LDAH: variants seen among roughly 807,000 people sequenced by gnomAD.
The protein encoded by LDAH is lipid droplet associated hydrolase.
A neutral mutation model predicts 29.6 loss-of-function variants in LDAH; 26 were observed. The ratio of observed to expected loss-of-function variants is 0.88; its 90% CI spans 0.64 to 1.22. The LOEUF (loss-of-function observed/expected upper bound fraction) is 1.22, where lower values mean the gene tolerates loss of function less well. Ranked by LOEUF, LDAH falls within the 50% of genes most tolerant of loss-of-function variation. The pLI, the probability that LDAH is intolerant of heterozygous loss-of-function variation, is 0.00. For missense variants in LDAH, 344 were observed against 387.3 expected, an observed-to-expected ratio of 0.89 and a Z score of 0.94; for synonymous variants, 117 against 133.0, an observed-to-expected ratio of 0.88 and a Z score of 0.83.
At chr2:20,793,827 C>T (rs910525235) in intron 2 of LDAH, among the ~76,000 whole-genome samples, 1 of 151,982 alleles carries the variant, frequency 6.6e-6, no homozygotes, top group African/African-American at 2.4e-5. Flanking sequence ...AAACAGATAA[C>T]CTAAATAGCC....
At chr2:20,701,884 G>A (rs1214044284) in intron 5 of LDAH, among the ~76,000 whole-genome samples, 2 of 152,152 alleles carry the variant, frequency 1.3e-5, no homozygotes, top group African/African-American at 4.8e-5. Flanking sequence ...CTTCTCCATA[G>A]CAAAAGTTTA....
At chr2:20,711,425 A>C (rs1664756510) in intron 5 of LDAH, among the ~76,000 whole-genome samples, 1 of 150,950 alleles carries the variant, frequency 6.6e-6, no homozygotes, top group Non-Finnish European at 1.5e-5. Flanking sequence ...CCGTTCCAAG[A>C]TGGCCGAATA....
intron 1 of LDAH, among the ~76,000 whole-genome samples, chr2:20,814,285 C>A (rs898347849): frequency 2.0e-5 from 3 of 150,310 alleles, no homozygotes; most frequent in African/African-American, 4.9e-5. Flanking sequence ...AGGAATCAAA[C>A]TGATAAACCT....
At chr2:20,782,984 T>C (rs1670303395) in intron 3 of LDAH, among the ~76,000 whole-genome samples, 1 of 152,210 alleles carries the variant, frequency 6.6e-6, no homozygotes, top group African/African-American at 2.4e-5. Context: ...AAGCACTAGT[T>C]TTGCTATATC....
At chr2:20,737,648 G>A (rs1285648437) in intron 5 of LDAH, among the ~76,000 whole-genome samples, 2 of 152,088 alleles carry the variant, frequency 1.3e-5, no homozygotes, top group African/African-American at 4.8e-5. Context: ...GTGACTCTAG[G>A]GCAGAACCAA....
intron 1 of LDAH, among the ~76,000 whole-genome samples, chr2:20,818,048 T>C (rs1336068544): frequency 3.3e-5 from 5 of 152,144 alleles, no homozygotes; most frequent in Non-Finnish European, 5.9e-5. Context: ...TTACGGTAGT[T>C]ATAAGAAGCT....
downstream of LDAH, chr2:20,683,897 AGT>A (rs1662385053): frequency 1.9e-5 from 1 of 53,754 alleles, no homozygotes; most frequent in African/African-American, 7.9e-5. Context: ...AGGGAGGTGA[AGT>A]GAAGTCTTAT....
intron 6 of LDAH, among the ~76,000 whole-genome samples, chr2:20,699,753 C>T (rs554965659): frequency 4.5e-4 from 68 of 152,282 alleles, no homozygotes; most frequent in Middle Eastern, 3.4e-3. Context: ...CTACCATTTA[C>T]CATTACACCC....
intron 4 of LDAH, among the ~76,000 whole-genome samples, chr2:20,757,488 T>C (rs545511742): frequency 6.6e-6 from 1 of 152,192 alleles, no homozygotes; most frequent in Non-Finnish European, 1.5e-5. Context: ...GATTCTAATA[T>C]TGTTTTACTA....
intron 5 of LDAH, among the ~76,000 whole-genome samples, chr2:20,738,237 G>A: frequency 6.9e-6 from 1 of 144,848 alleles, no homozygotes; most frequent in Non-Finnish European, 1.5e-5. Flanking sequence ...GGGCAACAGA[G>A]TGAGATTCCA....
At chr2:20,750,513 G>A (rs956276860) in intron 4 of LDAH, among the ~76,000 whole-genome samples, 1 of 152,212 alleles carries the variant, frequency 6.6e-6, no homozygotes, top group African/African-American at 2.4e-5. Flanking sequence ...CTCTGTGTTA[G>A]TCAGTAACCA....
intron 5 of LDAH, among the ~76,000 whole-genome samples, chr2:20,713,851 A>C (rs1664959023): frequency 6.6e-6 from 1 of 152,166 alleles, no homozygotes; most frequent in Non-Finnish European, 1.5e-5. Context: ...TATATATGCA[A>C]CCAATACAGG....
At chr2:20,802,923 T>C (rs1198972287) in intron 1 of LDAH, among the ~76,000 whole-genome samples, 2 of 152,196 alleles carry the variant, frequency 1.3e-5, no homozygotes, top group African/African-American at 4.8e-5. Context: ...TACAGTGCAC[T>C]GGAAAGGGAG....
chr2:20,688,660 G>A (rs762631711), intron 6 of LDAH, among the ~76,000 whole-genome samples: 8 of 152,022 alleles, frequency 5.3e-5, no homozygotes, highest in Non-Finnish European at 8.8e-5. Context: ...CTGATCTTAC[G>A]AAAACAATGG....
At chr2:20,804,690 T>C (rs1228598135) in intron 1 of LDAH, among the ~76,000 whole-genome samples, 4 of 152,226 alleles carry the variant, frequency 2.6e-5, no homozygotes, top group African/African-American at 9.6e-5. Flanking sequence ...TATTCCTTTA[T>C]TGTTTATTCT....
At chr2:20,710,652 T>TATAG (rs1558399461) in intron 5 of LDAH, among the ~76,000 whole-genome samples, 6 of 135,684 alleles carry the variant, frequency 4.4e-5, no homozygotes, top group Non-Finnish European at 9.7e-5. Context: ...AGTATACATA[T>TATAG]ATATACACAT....
chr2:20,706,232 G>T lies in LDAH; in HGVS notation c.704-4580C>A, dbSNP rs186462530. ...GGGGGCTTAGGAGAAAAAAAAGTTT[G>T]GGGAACACCATGAGGAAAAGACAGA... On this transcript the variant is annotated intron_variant, in intron 5 of 6. Transcript: ENST00000237822. Among the ~76,000 whole-genome samples, 787 of 152,222 alleles carry T rather than the reference G, an allele frequency of 5.2e-3. 9 individuals are homozygous for T. The highest frequency in any genetic ancestry group is 0.017 in the African/African-American group (692 of 41,540).
intron 1 of LDAH, among the ~76,000 whole-genome samples, chr2:20,817,972 G>A (rs1001437734): frequency 1.3e-5 from 2 of 152,140 alleles, no homozygotes; most frequent in African/African-American, 4.8e-5. Flanking sequence ...GCTGGGACAA[G>A]ATAGACTGAC....
At chr2:20,773,691 C>T (rs970840883) in intron 4 of LDAH, among the ~76,000 whole-genome samples, 2 of 152,028 alleles carry the variant, frequency 1.3e-5, no homozygotes, top group Admixed American at 1.3e-4. Flanking sequence ...AAAACCACAG[C>T]GAGGGAGGCT....
Sources: allele counts gnomAD v4.1 joint callset (sites outside exome capture counted in the v4.1 genomes callset), GRCh38; gene constraint gnomAD v4.1.1; transcripts MANE v1.5; gene names NCBI Gene and HGNC (gene_info 2026-07-23, HGNC 2026-07-21).